STAU1: variants seen among roughly 807,000 people sequenced by gnomAD.
The protein encoded by STAU1 is staufen double-stranded RNA binding protein 1.
A neutral mutation model predicts 62.9 loss-of-function variants in STAU1; 13 were observed. That is an observed-to-expected ratio of 0.21 (90% confidence interval 0.13 to 0.33). STAU1 has a LOEUF of 0.33. STAU1 is among the 10% of genes least tolerant of loss of function. The pLI is 1.00. For missense variants in STAU1, 571 were observed against 712.1 expected (o/e 0.80, Z 2.25); for synonymous variants, 269 against 265.1 (o/e 1.01, Z -0.14).
At position 49,180,405 on chromosome 20, in the gene STAU1, A is replaced by G. The variant is rs528318197; in HGVS notation, c.-159-6136T>C. The stretch of plus-strand genomic sequence containing the variant: ...GCGGCACGATGTCAGGTCACTGCAA[A>G]CTCCACCTCCCGGGTTCAAGCCATT... On this transcript the variant is annotated intron_variant, in intron 1 of 13. Transcript: ENST00000371856. Among the ~76,000 whole-genome samples, 444 of 151,376 alleles carry G rather than the reference A, an allele frequency of 2.9e-3. 1 individual carries two copies. The highest frequency in any genetic ancestry group is 4.3e-3 in the Non-Finnish European group (292 of 67,826).
intron 5 of STAU1, among the ~76,000 whole-genome samples, chr20:49,138,290 A>G (rs1044714070): frequency 2.6e-5 from 4 of 152,086 alleles, no homozygotes; most frequent in African/African-American, 9.7e-5. Context: ...ACACCCACCA[A>G]AAAAAGCTAT....
At chr20:49,186,857 A>G (rs1399695287) in intron 1 of STAU1, among the ~76,000 whole-genome samples, 5 of 152,100 alleles carry the variant, frequency 3.3e-5, no homozygotes, top group African/African-American at 1.2e-4. Context: ...CAAGCAGAAG[A>G]GAAGTGTGAC....
intron 5 of STAU1, among the ~76,000 whole-genome samples, chr20:49,136,175 C>T (rs891707395): frequency 1.3e-5 from 2 of 152,018 alleles, no homozygotes; most frequent in African/African-American, 2.4e-5. Context: ...GTGGTACATG[C>T]CTGTAGTTCC....
chr20:49,142,408 AAC>A, intron 5 of STAU1, among the ~76,000 whole-genome samples: 1 of 152,252 alleles, frequency 6.6e-6, no homozygotes, highest in Non-Finnish European at 1.5e-5. Context: ...TTTTTTAAAT[AAC>A]AATTTATACT....
At chr20:49,124,236 C>T in intron 7 of STAU1, 139 bp downstream of exon 7, 4 of 842,860 alleles carry the variant, frequency 4.7e-6, no homozygotes, top group Non-Finnish European at 7.6e-6. Context: ...TCTTGCAGCA[C>T]CTCTAAGGGG....
chr20:49,151,642 G>T lies in STAU1; in HGVS notation c.450C>A (p.His150Gln). ...TCCTCAACGCTTTGGCAGCAGCATCGTGTTTCGCAGCCTGTCTTGTCTTTC... is the reference window on the plus strand; with the variant it reads ...TCCTCAACGCTTTGGCAGCAGCATCTTGTTTCGCAGCCTGTCTTGTCTTTC... ...GKGKTRQAAKHDAAAKALRIL... is the reference protein window; with the variant it reads ...GKGKTRQAAKQDAAAKALRIL... The change falls in exon 5 of 14, where the codon CAC becomes CAA. Residue 150 changes from histidine to glutamine, a missense_variant. By Grantham distance (24) the His-to-Gln change is conservative. Coordinates refer to ENST00000371856, the MANE Select transcript of STAU1 (RefSeq NM_017453.4). 1 of 1,612,238 alleles carries T rather than the reference G, an allele frequency of 6.2e-7. No individual in the cohort carries two copies.
intron 6 of STAU1, among the ~76,000 whole-genome samples, chr20:49,133,132 T>G (rs970442587): frequency 4.6e-5 from 7 of 152,226 alleles, no homozygotes; most frequent in Non-Finnish European, 1.0e-4. Context: ...ATGTGACTAC[T>G]GTCAAGATTC....
intron 13 of STAU1, 134 bp downstream of exon 13, chr20:49,115,648 A>G (rs1363596564): frequency 6.0e-5 from 47 of 780,096 alleles, no homozygotes; most frequent in Non-Finnish European, 1.0e-4. Flanking sequence ...GAATCTGGAA[A>G]ACTTTCAGGC....
At chr20:49,151,895 T>C in intron 4 of STAU1, 148 bp from the exon 5 acceptor site, 2 of 721,034 alleles carry the variant, frequency 2.8e-6, no homozygotes, top group Non-Finnish European at 4.3e-6. Flanking sequence ...TATCCAGAGA[T>C]TTCATAAAAG....
chr20:49,130,256 CAACACTATAGGG>C, intron 6 of STAU1, among the ~76,000 whole-genome samples: 2 of 152,236 alleles, frequency 1.3e-5, no homozygotes, highest in Middle Eastern at 6.8e-3. Flanking sequence ...CTTAAAAAGG[CAACACTATAGGG>C]ACAGAATGAG....
chr20:49,144,741 C>T lies in STAU1; in HGVS notation c.510+6841G>A, dbSNP rs149105618. On this transcript the variant is annotated intron_variant, in intron 5 of 13. Transcript: ENST00000371856. The stretch of plus-strand genomic sequence containing the variant: ...TTGGAAGACAATGCAATAGCCTAGG[C>T]AAGGCCATAGGACAATAAAAGAAGG... 5.3e-5 allele frequency among the ~76,000 whole-genome samples: 8 copies of T among 152,198 alleles called. No homozygotes were observed. In the East Asian group the frequency reaches 1.5e-3, roughly 29 times the overall value.
In STAU1 at chr20:49,125,612, C is replaced by T. The variant is rs912616175; in HGVS notation, c.610-1025G>A. On this transcript the variant is annotated intron_variant, in intron 6 of 13. Coordinates refer to ENST00000371856, the MANE Select transcript of STAU1 (RefSeq NM_017453.4). ...CTGTAATCCCAGCACTTTGGGAGGC[C>T]GAGGCAGGTGGATCACGAGGTCAGG... Among the ~76,000 whole-genome samples, 4 of 150,686 alleles carry T rather than the reference C, an allele frequency of 2.7e-5. No individual in the cohort carries two copies. The South Asian group carries it at 8.4e-4, about 32-fold the overall frequency.
intron 2 of STAU1, among the ~76,000 whole-genome samples, chr20:49,171,457 G>A (rs2093595882): frequency 6.6e-6 from 1 of 152,052 alleles, no homozygotes; most frequent in Non-Finnish European, 1.5e-5. Context: ...CACCACGCCC[G>A]GCTAATTTTT....
the STAU1 span, among the ~76,000 whole-genome samples, chr20:49,214,534 C>T: frequency 1.8e-5 from 2 of 110,956 alleles, no homozygotes; most frequent in Non-Finnish European, 4.0e-5. Context: ...AAAAAAAAAA[C>T]AATAACAAGA....
the STAU1 span, among the ~76,000 whole-genome samples, chr20:49,208,848 T>C: frequency 6.7e-6 from 1 of 150,262 alleles, no homozygotes; most frequent in African/African-American, 2.4e-5. Flanking sequence ...GGTCTCGATC[T>C]CCTGACCTCC....
intron 5 of STAU1, among the ~76,000 whole-genome samples, chr20:49,136,580 A>G (rs1465665676): frequency 6.6e-6 from 1 of 152,244 alleles, no homozygotes; most frequent in Non-Finnish European, 1.5e-5. Flanking sequence ...CTTCTCAAGT[A>G]GTGGGAAGCC....
intron 6 of STAU1, among the ~76,000 whole-genome samples, chr20:49,127,154 A>G (rs2092646529): frequency 6.6e-6 from 1 of 152,006 alleles, no homozygotes; most frequent in South Asian, 2.1e-4. Flanking sequence ...GGAGTTCGAG[A>G]TCAGCCTGGC....
At chr20:49,155,035 G>A (rs958922700) in intron 3 of STAU1, among the ~76,000 whole-genome samples, 6 of 151,964 alleles carry the variant, frequency 3.9e-5, no homozygotes, top group Admixed American at 2.6e-4. Context: ...GCAGTGAGTC[G>A]AGATTGCGTC....
At chr20:49,153,768 G>A (rs1449592049) in intron 4 of STAU1, among the ~76,000 whole-genome samples, 165 bp downstream of exon 4, 3 of 149,740 alleles carry the variant, frequency 2.0e-5, no homozygotes, top group Admixed American at 1.3e-4. Context: ...AAGAAAAGGC[G>A]GGGGAGGGGC....
Sources: allele counts gnomAD v4.1 joint callset (sites outside exome capture counted in the v4.1 genomes callset), GRCh38; gene constraint gnomAD v4.1.1; transcripts MANE v1.5; gene names NCBI Gene and HGNC (gene_info 2026-07-23, HGNC 2026-07-21).